RPL22L1: variants seen among roughly 807,000 people sequenced by gnomAD.
RPL22L1 encodes the protein ribosomal protein eL22-like.
A neutral mutation model predicts 17.3 loss-of-function variants in RPL22L1; 19 were observed. That is an observed-to-expected ratio of 1.10 (90% CI 0.77 to 1.61). The LOEUF (loss-of-function observed/expected upper bound fraction) is 1.61. RPL22L1 is among the 40% of genes most tolerant of loss of function. The probability of loss-of-function intolerance (pLI) is 0.00; values close to 1 mark genes in which losing one functional copy is unlikely to be tolerated. For missense variants in RPL22L1, 139 were observed against 144.4 expected, an observed-to-expected ratio of 0.96 and a Z score of 0.19; for synonymous variants, 48 against 48.5, an observed-to-expected ratio of 0.99 and a Z score of 0.05.
rs1316218557 is a variant in RPL22L1, at chr3:170,866,143, A to G, written c.*237T>C. Reference sequence around the variant, plus strand: ...AACGCTACTTTTACCTGAGTACATAAAAGATTTTGGAAATCGTGGGAAAAA... The same window carrying G: ...AACGCTACTTTTACCTGAGTACATAGAAGATTTTGGAAATCGTGGGAAAAA... On this transcript the variant is annotated 3_prime_UTR_variant, in exon 4 of 4. Coordinates refer to ENST00000295830, the MANE Select transcript of RPL22L1 (RefSeq NM_001099645.2). The G allele has an allele frequency of 3.1e-6, 1 of 327,644 alleles. No individual in the cohort carries two copies. Among genetic ancestry groups the G allele is most frequent in the African/African-American group, 2.1e-5 (1 of 46,810 alleles). 20.3% of individuals were successfully genotyped at this position (327,644 alleles called of 1,614,324 possible). A position where few individuals can be genotyped will look rare whatever the true frequency, so the allele number is the denominator to read the frequency against.
In RPL22L1 at chr3:170,868,348, A is replaced by C. The variant is rs1377862942; in HGVS notation, c.52T>G (p.Leu18Val). 2.5e-6 allele frequency: 4 copies of C among 1,611,304 alleles called. No individual in the cohort carries two copies. Among genetic ancestry groups the C allele is most frequent in the Non-Finnish European group, 3.4e-6 (4 of 1,178,954 alleles). Reference protein sequence around the residue: ...KPKRSTWRFNLDLTHPVEDGI... With the variant: ...KPKRSTWRFNVDLTHPVEDGI... Reference sequence around the variant, plus strand: ...TCTTCTACTGGATGAGTAAGGTCCAAATTAAACCTCCAGGTTGACCTCTTG... The same window carrying C: ...TCTTCTACTGGATGAGTAAGGTCCACATTAAACCTCCAGGTTGACCTCTTG... The change falls in exon 2 of 4, where the codon TTG (leucine) becomes GTG (valine). Residue 18 changes from leucine (L) to valine (V), a missense_variant. By Grantham distance (32) the Leu-to-Val change is conservative. Coordinates refer to ENST00000295830, the MANE Select transcript of RPL22L1 (RefSeq NM_001099645.2).
Position 170,866,270 on chromosome 3 carries a change from A to T in RPL22L1, c.*110T>A. On this transcript the variant is annotated 3_prime_UTR_variant, in exon 4 of 4. Coordinates refer to ENST00000295830, the MANE Select transcript of RPL22L1 (RefSeq NM_001099645.2). ...CAAAAAAATGAGACAAAAGTTCAAG[A>T]GTATAATATTTTTTATTCACTGATA... 1 of 850,592 alleles carries T rather than the reference A, an allele frequency of 1.2e-6. No individual in the cohort carries two copies. Among genetic ancestry groups the T allele is most frequent in the Non-Finnish European group, 1.7e-6 (1 of 573,352 alleles). 52.7% of individuals were successfully genotyped at this position (850,592 alleles called of 1,614,324 possible).
Position 170,868,339 on chromosome 3 carries a change from T to A in RPL22L1, c.61A>T (p.Thr21Ser). ...AAAATTCCATCTTCTACTGGATGAG[T>A]AAGGTCCAAATTAAACCTCCAGGTT... is the stretch of plus-strand genomic sequence containing the variant. The part of the protein sequence containing the change: ...RSTWRFNLDL[T>S]HPVEDGIFDS... Residue 21 changes from threonine (T) to serine (S), a missense_variant, in exon 2 of 4, where the codon ACT becomes TCT. Physicochemically the swap from Thr to Ser is moderately conservative, Grantham distance 58. Coordinates refer to ENST00000295830, the MANE Select transcript of RPL22L1 (RefSeq NM_001099645.2). The A allele has an allele frequency of 6.2e-7, 1 of 1,611,186 alleles. No individual in the cohort carries two copies. The highest frequency in any genetic ancestry group is 1.3e-5 in the African/African-American group (1 of 74,988).
Position 170,866,344 on chromosome 3 carries a change from T to C in RPL22L1, c.*36A>G. The C allele has an allele frequency of 6.6e-7, 1 of 1,514,356 alleles. No homozygotes were observed. Among genetic ancestry groups the C allele is most frequent in the East Asian group, 2.4e-5 (1 of 42,060 alleles). 93.8% of individuals were successfully genotyped at this position (1,514,356 alleles called of 1,614,324 possible). A position where few individuals can be genotyped will look rare whatever the true frequency, so the allele number is the denominator to read the frequency against. On this transcript the variant is annotated 3_prime_UTR_variant, in exon 4 of 4. Coordinates refer to ENST00000295830, the MANE Select transcript of RPL22L1 (RefSeq NM_001099645.2). The stretch of plus-strand genomic sequence containing the variant: ...TTTCTCATGTATACTTCATTTATTT[T>C]ATTAATAAGCAAAGCCCTGTAAGGG...
intron 3 of RPL22L1, among the ~76,000 whole-genome samples, chr3:170,867,076 C>G (rs542015598): frequency 1.4e-4 from 22 of 152,016 alleles, no homozygotes; most frequent in Non-Finnish European, 1.9e-4. Context: ...ATCTCTGAAT[C>G]CTTAGTGATT....
At chr3:170,867,173 C>T (rs143183887) in intron 3 of RPL22L1, among the ~76,000 whole-genome samples, 3 of 152,266 alleles carry the variant, frequency 2.0e-5, no homozygotes, top group African/African-American at 7.2e-5. Context: ...CTTCAGTTTC[C>T]ACCAGATGTA....
intron 1 of RPL22L1, 124 bp from the exon 2 acceptor site, chr3:170,868,514 TAACAATAAATAAAAAA>T: frequency 1.7e-6 from 1 of 578,724 alleles, no homozygotes; most frequent in Admixed American, 3.5e-5. Context: ...TACAGAAATG[TAACAATAAATAAAAAA>T]ACACCACCAC....
In RPL22L1 at chr3:170,868,381, T is replaced by G. The variant is rs1302014496; in HGVS notation, c.19A>C (p.Arg7=). The G allele has an allele frequency of 6.3e-7, 1 of 1,593,082 alleles. No individual in the cohort carries two copies. Among genetic ancestry groups the G allele is most frequent in the Non-Finnish European group, 8.6e-7 (1 of 1,163,926 alleles). MAPQKD[R]KPKRSTWRFN... is the part of the protein sequence containing the mutation. ...CTCCAGGTTGACCTCTTGGGCTTCC[T>G]GTCTTTCTGCTACATAAATGAGAAA... Residue 7 remains arginine, a synonymous_variant, in exon 2 of 4, where the codon AGG becomes CGG. Transcript: ENST00000295830.
chr3:170,868,491 G>A (rs979207343), intron 1 of RPL22L1, 101 bp from the exon 2 acceptor site: 4 of 685,288 alleles, frequency 5.8e-6, no homozygotes, highest in Non-Finnish European at 1.0e-5. Flanking sequence ...ACAATGTACT[G>A]TTAGGTTACA....
chr3:170,866,153 GA>G lies in RPL22L1; in HGVS notation c.*226del. ...TTACCTGAGTACATAAAAGATTTTGGAAATCGTGGGAAAAAATTATACCAGC... is the reference window on the plus strand; with the variant it reads ...TTACCTGAGTACATAAAAGATTTTGGAATCGTGGGAAAAAATTATACCAGC... On this transcript the variant is annotated 3_prime_UTR_variant, in exon 4 of 4. Coordinates refer to ENST00000295830, the MANE Select transcript of RPL22L1 (RefSeq NM_001099645.2). 2.9e-6 allele frequency: 1 copy of G among 339,476 alleles called. No individual in the cohort carries two copies. The highest frequency in any genetic ancestry group is 5.3e-6 in the Non-Finnish European group (1 of 189,458). The allele number at this position is 339,476 out of a possible 1,614,324, so 21.0% of individuals were successfully genotyped here.
chr3:170,868,993 T>A (rs369926815), intron 1 of RPL22L1, among the ~76,000 whole-genome samples: 1 of 151,560 alleles, frequency 6.6e-6, no homozygotes, highest in African/African-American at 2.4e-5. Flanking sequence ...TGGTGGTGCA[T>A]GCTTATAATC....
At chr3:170,869,750 C>T (rs189078215) in intron 1 of RPL22L1, among the ~76,000 whole-genome samples, 1 of 152,198 alleles carries the variant, frequency 6.6e-6, no homozygotes, top group East Asian at 1.9e-4. Flanking sequence ...CTAGGAGCTC[C>T]CTCTGGCCTG....
At chr3:170,869,113 CAAA>C (rs35400944) in intron 1 of RPL22L1, among the ~76,000 whole-genome samples, 1 of 130,632 alleles carries the variant, frequency 7.7e-6, no homozygotes, top group Non-Finnish European at 1.7e-5. Context: ...GACTCTGTCT[CAAA>C]AAAAAAAAAA....
At chr3:170,869,865 A>C in intron 1 of RPL22L1, 1 of 561,644 alleles carries the variant, frequency 1.8e-6, no homozygotes, top group Non-Finnish European at 3.4e-6. Context: ...CTCAGATTGC[A>C]GTACCACCGG....
chr3:170,868,343 G>A lies in RPL22L1; in HGVS notation c.57C>T (p.Asp19=), dbSNP rs758462415. ...TTCCATCTTCTACTGGATGAGTAAG[G>A]TCCAAATTAAACCTCCAGGTTGACC... ...PKRSTWRFNL[D]LTHPVEDGIF... The change falls in exon 2 of 4, where the codon GAC becomes GAT. Residue 19 remains aspartate, a synonymous_variant. Transcript: ENST00000295830. 6.2e-7 allele frequency: 1 copy of A among 1,611,104 alleles called. No individual in the cohort carries two copies. The highest frequency in any genetic ancestry group is 8.5e-7 in the Non-Finnish European group (1 of 1,178,874).
rs749147407 is a variant in RPL22L1, at chr3:170,868,391, C to T, written c.10-1G>A. The T allele has an allele frequency of 4.5e-6, 7 of 1,572,020 alleles. No homozygotes were observed. Among genetic ancestry groups the T allele is most frequent in the Non-Finnish European group, 6.1e-6 (7 of 1,146,336 alleles). On this transcript the variant is annotated splice_acceptor_variant, in intron 1 of 3. Coordinates refer to ENST00000295830, the MANE Select transcript of RPL22L1 (RefSeq NM_001099645.2). LOFTEE classifies it high-confidence loss of function. ...ACCTCTTGGGCTTCCTGTCTTTCTG[C>T]TACATAAATGAGAAATAATTATGTA... is the stretch of plus-strand genomic sequence containing the variant.
chr3:170,866,476 A>C lies in RPL22L1; in HGVS notation c.273T>G (p.Arg91=), dbSNP rs1408155065. ...CAGATGCAACCACTCGAAGCCAATC[A>C]CGAAGATTGTTCTTCTTAAGGTATT... ...TKKYLKKNNL[R]DWLRVVASDK... is the part of the protein sequence containing the mutation. The change falls in exon 4 of 4, where the codon CGT becomes CGG. Residue 91 remains arginine, a synonymous_variant. Coordinates refer to ENST00000295830, the MANE Select transcript of RPL22L1 (RefSeq NM_001099645.2). 6.3e-7 allele frequency: 1 copy of C among 1,579,740 alleles called. No individual in the cohort carries two copies. The highest frequency in any genetic ancestry group is 1.8e-5 in the Admixed American group (1 of 54,870).
At chr3:170,870,072 C>G in intron 1 of RPL22L1, 87 bp downstream of exon 1, 1 of 1,582,056 alleles carries the variant, frequency 6.3e-7, no homozygotes, top group Non-Finnish European at 8.7e-7. Context: ...TTGACTGAGA[C>G]GTCTCCACTC....
Position 170,866,508 on chromosome 3 carries a change from TA to T in RPL22L1, c.240del (p.Thr81ProfsTer54), listed in dbSNP as rs752090974. On this transcript the variant is annotated frameshift_variant, in exon 4 of 4. Coordinates refer to ENST00000295830, the MANE Select transcript of RPL22L1 (RefSeq NM_001099645.2). LOFTEE classifies it high-confidence loss of function. ...TTGTTCTTCTTAAGGTATTTCTTGGTAAGGTATTTCAAATACCTTTTAAAAT... is the reference window on the plus strand; with the variant it reads ...TTGTTCTTCTTAAGGTATTTCTTGGTAGGTATTTCAAATACCTTTTAAAAT... ...KQFSKRYLKYLTKKYLKKNNL... is the reference protein window; with the variant it reads ...KQFSKRYLKYXTKKYLKKNNL... 78 of 1,554,052 alleles carry T rather than the reference TA, an allele frequency of 5.0e-5. No homozygotes were observed. Among genetic ancestry groups the T allele is most frequent in the Non-Finnish European group, 6.6e-5 (76 of 1,147,688 alleles).
Sources: gnomAD v4.1 joint callset for allele counts (sites outside exome capture counted in the v4.1 genomes callset) on GRCh38, gnomAD v4.1.1 for gene constraint, MANE v1.5 for transcripts, NCBI Gene and HGNC (gene_info 2026-07-23, HGNC 2026-07-21) for gene names.